Variants in RBFOX3 observed in about 807,000 individuals in gnomAD.
RBFOX3 encodes RNA binding protein fox-1 homolog 3.
In RBFOX3, 17 loss-of-function variants were observed where a neutral mutation model predicts 48.7. That is an observed-to-expected ratio of 0.35 (90% CI 0.24 to 0.52). RBFOX3 has a LOEUF of 0.52. RBFOX3 is among the 20% of genes least tolerant of loss of function. The pLI is 0.94. For missense variants in RBFOX3, 382 were observed against 497.5 expected (o/e 0.77, Z 2.21); for synonymous variants, 212 against 209.5 (o/e 1.01, Z -0.10).
In RBFOX3 at chr17:79,531,909, C is replaced by T. The variant is rs993261896; in HGVS notation, c.-319-49311G>A. 2.0e-3 allele frequency among the ~76,000 whole-genome samples: 301 copies of T among 152,312 alleles called. 2 individuals carry two copies. Among genetic ancestry groups the T allele is most frequent in the African/African-American group, 7.0e-3 (290 of 41,562 alleles). On this transcript the variant is annotated intron_variant, in intron 1 of 14. Transcript: ENST00000693108. ...CCGCCAGGCCGCTGACCACCCGCTCCGCACACAGCAGGCTGGACAGTGCCG... is the reference window on the plus strand; with the variant it reads ...CCGCCAGGCCGCTGACCACCCGCTCTGCACACAGCAGGCTGGACAGTGCCG...
At chr17:79,658,249 C>T in the RBFOX3 span, among the ~76,000 whole-genome samples, 1 of 151,838 alleles carries the variant, frequency 6.6e-6, no homozygotes, top group Non-Finnish European at 1.5e-5. Flanking sequence ...GAAATGGTCC[C>T]CTCCTCCATT....
At chr17:79,164,490 C>T (rs779432906) in intron 4 of RBFOX3, among the ~76,000 whole-genome samples, 1 of 152,178 alleles carries the variant, frequency 6.6e-6, no homozygotes, top group Non-Finnish European at 1.5e-5. Context: ...GCACTTCACC[C>T]CTTCAGTCTT....
intron 1 of RBFOX3, among the ~76,000 whole-genome samples, chr17:79,488,463 G>A (rs1263150924): frequency 2.0e-5 from 3 of 152,138 alleles, no homozygotes; most frequent in Non-Finnish European, 2.9e-5. Flanking sequence ...GAGGCTGTTC[G>A]TCTTCTCAGA....
At chr17:79,246,118 AT>A (rs1316980029) in intron 3 of RBFOX3, among the ~76,000 whole-genome samples, 1 of 152,032 alleles carries the variant, frequency 6.6e-6, no homozygotes, top group African/African-American at 2.4e-5. Flanking sequence ...CTTGACTTTT[AT>A]CTGCTGACGT....
chr17:79,099,533 C>G (rs955612457), intron 9 of RBFOX3: 2 of 152,298 alleles, frequency 1.3e-5, no homozygotes, highest in Non-Finnish European at 2.9e-5. Context: ...ACCCCAAGCC[C>G]AGACTCCCCG....
intron 4 of RBFOX3, among the ~76,000 whole-genome samples, chr17:79,161,862 G>GGATT (rs2047053704): frequency 6.6e-6 from 1 of 152,190 alleles, no homozygotes; most frequent in African/African-American, 2.4e-5. Flanking sequence ...CAAAATGCTG[G>GGATT]GATTACAGGT....
At chr17:79,177,416 G>A (rs1435838274) in intron 4 of RBFOX3, among the ~76,000 whole-genome samples, 3 of 152,188 alleles carry the variant, frequency 2.0e-5, no homozygotes, top group African/African-American at 7.2e-5. Flanking sequence ...CAGACACCCC[G>A]CTGTGCCAGG....
the RBFOX3 span, among the ~76,000 whole-genome samples, chr17:79,616,932 C>A: frequency 2.6e-5 from 4 of 152,286 alleles, no homozygotes; most frequent in Admixed American, 6.5e-5. Context: ...TAAATGAAGA[C>A]GTCACAGGGC....
chr17:79,137,374 C>T (rs2040465862), intron 4 of RBFOX3, among the ~76,000 whole-genome samples: 1 of 152,228 alleles, frequency 6.6e-6, no homozygotes, highest in Non-Finnish European at 1.5e-5. Flanking sequence ...CTCCAACCCC[C>T]AGGCCATTGT....
chr17:79,555,114 C>A (rs1170145213), intron 1 of RBFOX3, among the ~76,000 whole-genome samples: 10 of 152,260 alleles, frequency 6.6e-5, no homozygotes, highest in Non-Finnish European at 1.5e-4. Context: ...CAAATAGTTT[C>A]TCTGTGCCTC....
the RBFOX3 span, among the ~76,000 whole-genome samples, chr17:79,632,965 G>A: frequency 2.0e-5 from 3 of 152,226 alleles, no homozygotes; most frequent in African/African-American, 7.2e-5. Context: ...CACTGAAAGA[G>A]AGATGGGCAC....
At chr17:79,449,034 G>T (rs1295100341) in intron 2 of RBFOX3, among the ~76,000 whole-genome samples, 1 of 152,080 alleles carries the variant, frequency 6.6e-6, no homozygotes, top group African/African-American at 2.4e-5. Context: ...CTGGGTTGGA[G>T]CTGCTTTGCC....
intron 2 of RBFOX3, among the ~76,000 whole-genome samples, chr17:79,468,490 G>A (rs1348175839): frequency 2.0e-5 from 3 of 152,114 alleles, no homozygotes; most frequent in African/African-American, 7.2e-5. Context: ...GTACACACAT[G>A]GATGATAGAT....
Position 79,420,128 on chromosome 17 carries a change from TA to T in RBFOX3, c.-175+62325del, listed in dbSNP as rs2066027210. Reference sequence around the variant, plus strand: ...GGCAACAGAGCAAGACTCCGTCTCATACACACACACACACACACACACACAC... The same window carrying T: ...GGCAACAGAGCAAGACTCCGTCTCATCACACACACACACACACACACACAC... On this transcript the variant is annotated intron_variant, in intron 2 of 14. Transcript: ENST00000693108. Among the ~76,000 whole-genome samples the T allele has an allele frequency of 1.5e-3, 177 of 114,370 alleles. 3 individuals are homozygous for T. Among genetic ancestry groups the T allele is most frequent in the Middle Eastern group, 9.7e-3 (2 of 206 alleles). 75.0% of individuals were successfully genotyped at this position (114,370 alleles called of 152,430 possible). A position where few individuals can be genotyped will look rare whatever the true frequency, so the allele number is the denominator to read the frequency against.
the RBFOX3 span, among the ~76,000 whole-genome samples, chr17:79,663,768 G>A: frequency 6.8e-6 from 1 of 146,572 alleles, no homozygotes; most frequent in Non-Finnish European, 1.5e-5. Context: ...TATCCTACTA[G>A]AAGTTAATAA....
At chr17:79,514,783 A>G (rs2085007882) in intron 1 of RBFOX3, among the ~76,000 whole-genome samples, 1 of 152,200 alleles carries the variant, frequency 6.6e-6, no homozygotes, top group African/African-American at 2.4e-5. Context: ...GGTTAAGGCC[A>G]CAGCTTGGGA....
chr17:79,324,741 C>T (rs979713336), intron 2 of RBFOX3, among the ~76,000 whole-genome samples: 5 of 152,198 alleles, frequency 3.3e-5, no homozygotes, highest in African/African-American at 7.2e-5. Flanking sequence ...TGCTGCAGCA[C>T]GGCCACAAGC....
At chr17:79,313,331 C>T (rs1413410329) in intron 2 of RBFOX3, among the ~76,000 whole-genome samples, 1 of 152,198 alleles carries the variant, frequency 6.6e-6, no homozygotes, top group Non-Finnish European at 1.5e-5. Context: ...CACAAACGTC[C>T]AGAGCACGGA....
chr17:79,353,880 G>T (rs1264813735), intron 2 of RBFOX3, among the ~76,000 whole-genome samples: 1 of 152,166 alleles, frequency 6.6e-6, no homozygotes, highest in African/African-American at 2.4e-5. Flanking sequence ...TGCAGTGGGG[G>T]CCGCTCCCTG....
Sources: allele counts gnomAD v4.1 joint callset (sites outside exome capture counted in the v4.1 genomes callset), GRCh38; gene constraint gnomAD v4.1.1; transcripts MANE v1.5; gene names NCBI Gene and HGNC (gene_info 2026-07-23, HGNC 2026-07-21).